MMP16: variants seen among roughly 807,000 people sequenced by gnomAD.
MMP16 encodes the protein matrix metallopeptidase 16.
MMP16 carries 12 observed loss-of-function variants against 67.8 expected under a neutral mutation model. The observed-to-expected ratio is 0.18, with a 90% CI of 0.11 to 0.29. The LOEUF (loss-of-function observed/expected upper bound fraction) is 0.29, where lower values mean the gene tolerates loss of function less well. Among genes scored for constraint, MMP16 ranks in the 10% least tolerant of loss-of-function variants. MMP16 has a pLI of 1.00. For missense variants in MMP16, 475 were observed against 765.7 expected (o/e 0.62, Z 4.48); for synonymous variants, 249 against 255.9 (o/e 0.97, Z 0.26).
intron 4 of MMP16, among the ~76,000 whole-genome samples, chr8:88,126,605 A>G (rs1807935319): frequency 3.3e-5 from 5 of 151,908 alleles, no homozygotes. Flanking sequence ...TGTGAGATGA[A>G]CAATGCGTTA....
chr8:88,102,950 G>C (rs955193845), intron 6 of MMP16, among the ~76,000 whole-genome samples: 3 of 151,798 alleles, frequency 2.0e-5, no homozygotes, highest in Non-Finnish European at 4.4e-5. Context: ...CCTACATTCT[G>C]TTCCCACCAA....
intron 1 of MMP16, among the ~76,000 whole-genome samples, chr8:88,197,784 T>C (rs1809280224): frequency 6.6e-6 from 1 of 152,202 alleles, no homozygotes; most frequent in Non-Finnish European, 1.5e-5. Context: ...GTAGCATCTT[T>C]ACAGATAAAC....
At chr8:88,107,217 T>C (rs1027786664) in intron 6 of MMP16, among the ~76,000 whole-genome samples, 2 of 151,188 alleles carry the variant, frequency 1.3e-5, no homozygotes, top group African/African-American at 4.8e-5. Flanking sequence ...TGTATTTTTA[T>C]ACATTTACAT....
Position 88,289,382 on chromosome 8 carries a change from A to G in MMP16, c.132+37693T>C, listed in dbSNP as rs143956201. ...TAAAGGCCATTTAAAAAGCCAGTAA[A>G]ATATCAAATGATTATAATAGCACAT... On this transcript the variant is annotated intron_variant, in intron 1 of 9. Coordinates refer to ENST00000286614, the MANE Select transcript of MMP16 (RefSeq NM_005941.5). Among the ~76,000 whole-genome samples the G allele has an allele frequency of 2.2e-4, 33 of 152,310 alleles. 2 individuals carry two copies. The highest frequency in any genetic ancestry group is 3.4e-3 in the Middle Eastern group (1 of 294).
intron 9 of MMP16, among the ~76,000 whole-genome samples, chr8:88,043,218 T>C (rs1432370621): frequency 6.6e-6 from 1 of 152,142 alleles, no homozygotes; most frequent in Non-Finnish European, 1.5e-5. Context: ...ACACAAGATT[T>C]AAACCTTGAT....
chr8:88,299,231 C>G (rs922498519), intron 1 of MMP16, among the ~76,000 whole-genome samples: 5 of 152,024 alleles, frequency 3.3e-5, no homozygotes, highest in East Asian at 1.9e-4. Context: ...ATGGCTGAAC[C>G]CTTCTGCTCA....
intron 1 of MMP16, among the ~76,000 whole-genome samples, chr8:88,304,961 T>C (rs1256011690): frequency 1.3e-5 from 2 of 152,080 alleles, no homozygotes; most frequent in African/African-American, 4.8e-5. Flanking sequence ...TAACCTTAAA[T>C]GTAAATGGAC....
intron 1 of MMP16, among the ~76,000 whole-genome samples, chr8:88,207,948 A>G (rs1042616805): frequency 1.3e-5 from 2 of 152,230 alleles, no homozygotes; most frequent in East Asian, 3.8e-4. Flanking sequence ...AAGCTGGAGA[A>G]TTAAATGCCA....
intron 4 of MMP16, among the ~76,000 whole-genome samples, chr8:88,141,918 T>C (rs1050288202): frequency 6.8e-6 from 1 of 147,270 alleles, no homozygotes; most frequent in Non-Finnish European, 1.5e-5. Context: ...CACATAAATA[T>C]GTTTTTTTTT....
At chr8:88,183,911 AT>A (rs112126900) in intron 3 of MMP16, among the ~76,000 whole-genome samples, 26 of 149,268 alleles carry the variant, frequency 1.7e-4, no homozygotes, top group African/African-American at 3.7e-4. Context: ...GTATTTATTT[AT>A]TTTTTTTTAT....
chr8:88,194,552 T>A (rs1243628827), intron 2 of MMP16, among the ~76,000 whole-genome samples: 2 of 151,808 alleles, frequency 1.3e-5, no homozygotes, highest in African/African-American at 2.4e-5. Context: ...AGTACCTTGA[T>A]CAATAACACC....
At chr8:88,043,852 A>T (rs1261963233) in intron 9 of MMP16, among the ~76,000 whole-genome samples, 3 of 152,212 alleles carry the variant, frequency 2.0e-5, no homozygotes, top group African/African-American at 7.2e-5. Flanking sequence ...AGAAATGTTG[A>T]GGGCCTGCCA....
intron 4 of MMP16, among the ~76,000 whole-genome samples, chr8:88,149,267 G>A (rs550351953): frequency 6.6e-5 from 10 of 152,222 alleles, no homozygotes; most frequent in East Asian, 3.9e-4. Flanking sequence ...ACTGCAAGGC[G>A]GCAGCGAGGC....
rs1808353705 is a variant in MMP16 at position 88,058,100 on chromosome 8, G to A, written c.1223-1822C>T. 6.6e-6 allele frequency among the ~76,000 whole-genome samples: 1 copy of A among 152,158 alleles called. No homozygotes were observed. Among genetic ancestry groups the A allele is most frequent in the Non-Finnish European group, 1.5e-5 (1 of 68,014 alleles). On this transcript the variant is annotated intron_variant, in intron 7 of 9. Coordinates refer to ENST00000286614, the MANE Select transcript of MMP16 (RefSeq NM_005941.5). The surrounding 1 kb of genome is among the most constrained non-coding windows in gnomAD (Gnocchi z 4.2). The stretch of plus-strand genomic sequence containing the variant: ...ATAAATATGCAAAGAATATTGGGAA[G>A]TGCATTCAGAGCAGAGGACAGTCTG...
At chr8:88,194,368 T>A (rs969420097) in intron 2 of MMP16, among the ~76,000 whole-genome samples, 4 of 152,108 alleles carry the variant, frequency 2.6e-5, no homozygotes, top group Non-Finnish European at 5.9e-5. Context: ...GTCCATATTT[T>A]ATGTAATAAG....
At chr8:88,250,675 T>A (rs1446513831) in intron 1 of MMP16, among the ~76,000 whole-genome samples, 23 of 152,044 alleles carry the variant, frequency 1.5e-4, no homozygotes, top group Admixed American at 1.5e-3. Context: ...TAAATATATA[T>A]AAGTTTCATT....
At chr8:88,070,521 G>A (rs1393647516) in intron 7 of MMP16, among the ~76,000 whole-genome samples, 1 of 152,016 alleles carries the variant, frequency 6.6e-6, no homozygotes, top group Admixed American at 6.6e-5. Context: ...GACATGAGCT[G>A]ACCAATACTC....
chr8:88,259,474 C>A (rs1810353906), intron 1 of MMP16, among the ~76,000 whole-genome samples: 1 of 151,892 alleles, frequency 6.6e-6, no homozygotes, highest in African/African-American at 2.4e-5. Context: ...TCTATCACAA[C>A]CTAAAATAGC....
chr8:88,180,060 T>C (rs12547891), intron 3 of MMP16, among the ~76,000 whole-genome samples: 33,704 of 152,062 alleles, frequency 0.22, 4,922 homozygotes, highest in East Asian at 0.53. Context: ...GGCAGGCGGA[T>C]CACCTGAGGT....
Sources: allele counts gnomAD v4.1 joint callset (sites outside exome capture counted in the v4.1 genomes callset), GRCh38; gene constraint gnomAD v4.1.1; non-coding constraint Gnocchi (gnomAD v3.1); transcripts MANE v1.5; gene names NCBI Gene and HGNC (gene_info 2026-07-23, HGNC 2026-07-21).